Variants in TMEM178B observed in about 807,000 individuals in gnomAD.
TMEM178B encodes the protein transmembrane protein 178B.
TMEM178B carries 5 observed loss-of-function variants against 31.0 expected under a neutral mutation model. That is an observed-to-expected ratio of 0.16 (90% CI 0.08 to 0.34). TMEM178B has a LOEUF of 0.34. Among genes scored for constraint, TMEM178B ranks in the 10% least tolerant of loss-of-function variants. The probability of loss-of-function intolerance (pLI) is 1.00; values close to 1 mark genes in which losing one functional copy is unlikely to be tolerated. For missense variants in TMEM178B, 275 were observed against 400.3 expected (o/e 0.69, Z 2.67); for synonymous variants, 164 against 164.0 (o/e 1.00, Z 0.00).
chr7:141,245,518 C>T (rs1319499861), intron 2 of TMEM178B, among the ~76,000 whole-genome samples: 1 of 152,142 alleles, frequency 6.6e-6, no homozygotes, highest in Admixed American at 6.5e-5. Flanking sequence ...AAAAAGTCTC[C>T]GATAGTCTGT....
At chr7:141,290,934 C>T (rs1046424597) in intron 2 of TMEM178B, among the ~76,000 whole-genome samples, 2 of 152,218 alleles carry the variant, frequency 1.3e-5, no homozygotes, top group Non-Finnish European at 2.9e-5. Flanking sequence ...AGTGGTTACT[C>T]ACTCAAGAGA....
intron 1 of TMEM178B, among the ~76,000 whole-genome samples, chr7:141,176,012 G>C (rs1434596040): frequency 6.6e-6 from 1 of 152,174 alleles, no homozygotes; most frequent in African/African-American, 2.4e-5. Context: ...GGAGTGGTGA[G>C]AGAGGGCATC....
intron 2 of TMEM178B, among the ~76,000 whole-genome samples, chr7:141,360,420 C>G (rs1799897209): frequency 6.6e-6 from 1 of 152,220 alleles, no homozygotes; most frequent in Non-Finnish European, 1.5e-5. Flanking sequence ...AAGAAGATGT[C>G]TTCTGGAGGC....
At chr7:141,268,406 TG>T (rs1798127343) in intron 2 of TMEM178B, among the ~76,000 whole-genome samples, 1 of 152,328 alleles carries the variant, frequency 6.6e-6, no homozygotes, top group African/African-American at 2.4e-5. Flanking sequence ...GTTGAGACAA[TG>T]TTAAAGATGA....
intron 2 of TMEM178B, among the ~76,000 whole-genome samples, chr7:141,267,419 T>A (rs1419440966): frequency 1.3e-5 from 2 of 152,220 alleles, no homozygotes; most frequent in African/African-American, 4.8e-5. Context: ...GTAGTGGGTT[T>A]GGAGGCCTTG....
intron 2 of TMEM178B, among the ~76,000 whole-genome samples, chr7:141,395,692 C>G (rs1476689075): frequency 6.6e-6 from 1 of 152,006 alleles, no homozygotes; most frequent in Admixed American, 6.5e-5. Flanking sequence ...CACTCTGCTC[C>G]CCCTCAGTCA....
Position 141,359,444 on chromosome 7 carries a change from A to G in TMEM178B, c.497-78164A>G, listed in dbSNP as rs145806382. 1.3e-3 allele frequency among the ~76,000 whole-genome samples: 196 copies of G among 152,302 alleles called. 1 individual carries two copies. Among genetic ancestry groups the G allele is most frequent in the African/African-American group, 4.6e-3 (191 of 41,562 alleles). Reference sequence around the variant, plus strand: ...TCACTCCATCCAAACCTGTACTCCAATCTCTCCTAATTGACCCATTATCAT... The same window carrying G: ...TCACTCCATCCAAACCTGTACTCCAGTCTCTCCTAATTGACCCATTATCAT... On this transcript the variant is annotated intron_variant, in intron 2 of 3. Coordinates refer to ENST00000565468, the MANE Select transcript of TMEM178B (RefSeq NM_001195278.2).
chr7:141,499,473 A>C, the TMEM178B span, among the ~76,000 whole-genome samples: 1 of 147,502 alleles, frequency 6.8e-6, no homozygotes, highest in Non-Finnish European at 1.5e-5. Flanking sequence ...ACAAAAAAAA[A>C]AAAAAAAAAA....
intron 2 of TMEM178B, among the ~76,000 whole-genome samples, chr7:141,393,453 G>T (rs755151809): frequency 1.3e-5 from 2 of 152,152 alleles, no homozygotes; most frequent in Admixed American, 6.5e-5. Flanking sequence ...GATCAAAGAG[G>T]AAGGAAGGAG....
chr7:141,492,925 A>T, the TMEM178B span, among the ~76,000 whole-genome samples: 1 of 152,194 alleles, frequency 6.6e-6, no homozygotes, highest in Non-Finnish European at 1.5e-5. Context: ...CTTACAACAA[A>T]GAGTCTGGTG....
At chr7:141,129,072 C>T (rs973011670) in intron 1 of TMEM178B, among the ~76,000 whole-genome samples, 2 of 152,164 alleles carry the variant, frequency 1.3e-5, no homozygotes, top group African/African-American at 4.8e-5. Context: ...GAGAAGCTGC[C>T]ACCAGTTGCC....
At chr7:141,444,322 C>T (rs1237483432) in intron 3 of TMEM178B, among the ~76,000 whole-genome samples, 1 of 152,122 alleles carries the variant, frequency 6.6e-6, no homozygotes, top group Non-Finnish European at 1.5e-5. Flanking sequence ...AATGTCTGTG[C>T]TCTTAATAAA....
At chr7:141,255,069 A>G (rs1457331083) in intron 2 of TMEM178B, among the ~76,000 whole-genome samples, 1 of 152,234 alleles carries the variant, frequency 6.6e-6, no homozygotes, top group African/African-American at 2.4e-5. Context: ...AAGAAAAGTA[A>G]CCATGAGGTC....
intron 2 of TMEM178B, among the ~76,000 whole-genome samples, chr7:141,229,125 G>GTGTGTGTGTC (rs1554465476): frequency 2.7e-5 from 4 of 147,360 alleles, no homozygotes; most frequent in Non-Finnish European, 5.9e-5. Flanking sequence ...GTGTGTGTGT[G>GTGTGTGTGTC]TGTGTGAAAC....
At chr7:141,179,464 A>G (rs968320317) in intron 1 of TMEM178B, among the ~76,000 whole-genome samples, 3 of 152,236 alleles carry the variant, frequency 2.0e-5, no homozygotes, top group African/African-American at 7.2e-5. Context: ...AAATGGTTGC[A>G]TGGATGCAAT....
chr7:141,186,030 G>T (rs1258867451), intron 1 of TMEM178B, among the ~76,000 whole-genome samples: 1 of 152,126 alleles, frequency 6.6e-6, no homozygotes, highest in African/African-American at 2.4e-5. Context: ...AAACCTTCTA[G>T]ATCCTTAGTA....
chr7:141,498,777 G>A, the TMEM178B span, among the ~76,000 whole-genome samples: 1 of 152,092 alleles, frequency 6.6e-6, no homozygotes, highest in Non-Finnish European at 1.5e-5. Flanking sequence ...CCTTATTAAG[G>A]CCAACCTCAA....
intron 2 of TMEM178B, among the ~76,000 whole-genome samples, chr7:141,308,402 G>A (rs1209828265): frequency 6.6e-6 from 1 of 152,132 alleles, no homozygotes; most frequent in Non-Finnish European, 1.5e-5. Context: ...AACCATTTGT[G>A]TGTAATTTTT....
rs1802303859 is a variant in TMEM178B, at chr7:141,473,860, G to A, written c.*3074G>A. On this transcript the variant is annotated 3_prime_UTR_variant, in exon 4 of 4. Transcript: ENST00000565468. ...GGTGACCTTGATCCCTCTAGCATAA[G>A]GGCTTGACCACAGATTAAAACATGT... is the stretch of plus-strand genomic sequence containing the variant. 6.6e-6 allele frequency: 1 copy of A among 152,194 alleles called. No individual in the cohort carries two copies. The highest frequency in any genetic ancestry group is 2.4e-5 in the African/African-American group (1 of 41,434). The allele number at this position is 152,194 out of a possible 1,614,324, so 9.4% of individuals were successfully genotyped here. A position where few individuals can be genotyped will look rare whatever the true frequency, so the allele number is the denominator to read the frequency against.
Sources: gnomAD v4.1 joint callset for allele counts (sites outside exome capture counted in the v4.1 genomes callset) on GRCh38, gnomAD v4.1.1 for gene constraint, MANE v1.5 for transcripts, NCBI Gene and HGNC (gene_info 2026-07-23, HGNC 2026-07-21) for gene names.